TEX11: variants seen among roughly 807,000 people sequenced by gnomAD.
The protein encoded by TEX11 is testis expressed 11, also known as testis-expressed protein 11.
TEX11 carries 7 observed loss-of-function variants against 84.4 expected under a neutral mutation model. That is an observed-to-expected ratio of 0.08 (90% CI 0.05 to 0.16). The LOEUF (loss-of-function observed/expected upper bound fraction) is 0.16. TEX11 is among the 10% of genes least tolerant of loss of function. The probability of loss-of-function intolerance (pLI) is 1.00; values close to 1 mark genes in which losing one functional copy is unlikely to be tolerated. For missense variants in TEX11, 551 were observed against 660.5 expected (o/e 0.83, Z 1.82); for synonymous variants, 264 against 222.8 (o/e 1.18, Z -1.64).
At chrX:70,699,427 C>T (rs1390514631) in intron 13 of TEX11, among the ~76,000 whole-genome samples, 1 of 111,318 alleles carries the variant, frequency 9.0e-6, no homozygotes, top group East Asian at 2.8e-4. Context: ...ACCCAAAGAC[C>T]CAACGAAATC....
intron 25 of TEX11, among the ~76,000 whole-genome samples, chrX:70,564,526 G>C (rs1458843976): frequency 9.3e-6 from 1 of 107,595 alleles, no homozygotes; most frequent in Non-Finnish European, 1.9e-5. Context: ...TTAGCATTAG[G>C]TATATCTCCT....
intron 2 of TEX11, among the ~76,000 whole-genome samples, chrX:70,897,226 T>A (rs2091773562): frequency 1.2e-5 from 1 of 82,116 alleles, no homozygotes; most frequent in Admixed American, 1.5e-4. Context: ...CATATATATA[T>A]GTTTTATATA....
intron 16 of TEX11, among the ~76,000 whole-genome samples, chrX:70,655,022 AAAG>A (rs979250654): frequency 2.3e-4 from 25 of 110,566 alleles, no homozygotes; most frequent in African/African-American, 7.9e-4. Context: ...TACTAGATAT[AAAG>A]AAGATCACTG....
intron 13 of TEX11, among the ~76,000 whole-genome samples, chrX:70,700,059 T>C (rs1451655724): frequency 9.0e-6 from 1 of 111,444 alleles, no homozygotes; most frequent in Non-Finnish European, 1.9e-5. Context: ...TGAACAGGCA[T>C]ACTTCATTTT....
chrX:70,712,242 C>T (rs2090443493), intron 13 of TEX11, among the ~76,000 whole-genome samples: 1 of 111,434 alleles, frequency 9.0e-6, no homozygotes, highest in African/African-American at 3.3e-5. Context: ...CAGTTTTGTT[C>T]TTTTGGCTGA....
intron 28 of TEX11, among the ~76,000 whole-genome samples, chrX:70,532,589 C>T: frequency 9.0e-6 from 1 of 111,523 alleles, no homozygotes; most frequent in Non-Finnish European, 1.9e-5. Flanking sequence ...TACAAAATAG[C>T]TGGGTGTGAT....
At chrX:70,758,411 C>A (rs1351541479) in intron 9 of TEX11, among the ~76,000 whole-genome samples, 1 of 110,265 alleles carries the variant, frequency 9.1e-6, no homozygotes, top group African/African-American at 3.3e-5. Flanking sequence ...GAAAAGAAAT[C>A]ACAACAGTCT....
At chrX:70,786,706 AGGATCATTCAC>A (rs1569441310) in intron 9 of TEX11, among the ~76,000 whole-genome samples, 1 of 112,150 alleles carries the variant, frequency 8.9e-6, no homozygotes, top group East Asian at 2.8e-4. Flanking sequence ...ACACATTAAA[AGGATCATTCAC>A]TATGATCAGG....
chrX:70,570,360 A>T (rs1241328459), intron 25 of TEX11, among the ~76,000 whole-genome samples: 2 of 111,995 alleles, frequency 1.8e-5, no homozygotes, highest in African/African-American at 3.2e-5. Flanking sequence ...TGCACTTCCC[A>T]AGTGACGCAA....
At chrX:70,689,684 C>T (rs970187177) in intron 13 of TEX11, among the ~76,000 whole-genome samples, 13 of 111,480 alleles carry the variant, frequency 1.2e-4, no homozygotes, top group Non-Finnish European at 2.1e-4. Flanking sequence ...TTCCCAAGTC[C>T]GTATTGATAT....
At chrX:70,600,565 T>C (rs1394258083) in intron 24 of TEX11, among the ~76,000 whole-genome samples, 1 of 109,170 alleles carries the variant, frequency 9.2e-6, no homozygotes, top group Non-Finnish European at 1.9e-5. Flanking sequence ...AGAATATACA[T>C]TCTTTTCAGC....
At chrX:70,581,136 G>A (rs769877656) in intron 25 of TEX11, among the ~76,000 whole-genome samples, 1 of 108,978 alleles carries the variant, frequency 9.2e-6, no homozygotes, top group South Asian at 4.0e-4. Flanking sequence ...CGAGTAGCTG[G>A]GAGTATAAGC....
chrX:70,551,976 G>C, intron 28 of TEX11, 150 bp downstream of exon 28: 1 of 622,884 alleles, frequency 1.6e-6, no homozygotes, highest in Non-Finnish European at 2.2e-6. Context: ...CAGAAACCCA[G>C]GAAAATTCTG....
chrX:70,864,741 CAA>C (rs1158189701), intron 4 of TEX11, among the ~76,000 whole-genome samples: 2 of 36,047 alleles, frequency 5.5e-5, no homozygotes. Context: ...GATGCCATCT[CAA>C]AAAAAAAAAA....
intron 2 of TEX11, among the ~76,000 whole-genome samples, chrX:70,892,202 A>G (rs1467063809): frequency 2.7e-5 from 3 of 111,999 alleles, no homozygotes; most frequent in African/African-American, 9.7e-5. Context: ...GCAAATGCTG[A>G]GGGATTTTGT....
intron 4 of TEX11, among the ~76,000 whole-genome samples, chrX:70,863,977 A>C (rs2091584198): frequency 8.9e-6 from 1 of 111,939 alleles, no homozygotes; most frequent in Non-Finnish European, 1.9e-5. Context: ...GATGTCAGAG[A>C]TTGAAGACCG....
intron 9 of TEX11, among the ~76,000 whole-genome samples, chrX:70,778,697 C>T (rs1369973924): frequency 9.0e-6 from 1 of 110,523 alleles, no homozygotes; most frequent in East Asian, 2.8e-4. Flanking sequence ...GGTCTTGCTA[C>T]GATGCCTAGG....
chrX:70,654,699 G>C (rs113863995), intron 16 of TEX11, among the ~76,000 whole-genome samples: 1 of 60,761 alleles, frequency 1.6e-5, no homozygotes, highest in African/African-American at 6.7e-5. Flanking sequence ...CATAAAGTGA[G>C]ACTCTGTCTC....
chrX:70,540,063 A>G (rs2088022197), intron 28 of TEX11, among the ~76,000 whole-genome samples: 1 of 111,910 alleles, frequency 8.9e-6, no homozygotes, highest in Admixed American at 9.5e-5. Flanking sequence ...AAAGCAGGTC[A>G]GAGAAACCAA....
Sources: allele counts gnomAD v4.1 joint callset (sites outside exome capture counted in the v4.1 genomes callset), GRCh38; gene constraint gnomAD v4.1.1; transcripts MANE v1.5; gene names NCBI Gene and HGNC (gene_info 2026-07-23, HGNC 2026-07-21).